FAM171A1: variants seen among roughly 807,000 people sequenced by gnomAD.
The protein encoded by FAM171A1 is protein FAM171A1.
FAM171A1 carries 23 observed loss-of-function variants against 74.9 expected under a neutral mutation model. The ratio of observed to expected loss-of-function variants is 0.31; its 90% CI spans 0.22 to 0.44. The LOEUF is 0.44. FAM171A1 is among the 20% of genes least tolerant of loss of function. The pLI, the probability that FAM171A1 is intolerant of heterozygous loss-of-function variation, is 1.00. For missense variants in FAM171A1, 1,162 were observed against 1,159.2 expected (o/e 1.00, Z -0.03); for synonymous variants, 527 against 505.7 (o/e 1.04, Z -0.57).
intron 1 of FAM171A1, among the ~76,000 whole-genome samples, chr10:15,297,619 T>C (rs1451691565): frequency 5.9e-5 from 9 of 152,220 alleles, no homozygotes; most frequent in Admixed American, 4.6e-4. Context: ...CAAATATTCA[T>C]AGAAGTTCAG....
chr10:15,307,002 G>A (rs1053847545), intron 1 of FAM171A1, among the ~76,000 whole-genome samples: 11 of 152,202 alleles, frequency 7.2e-5, no homozygotes, highest in Non-Finnish European at 1.2e-4. Flanking sequence ...CAGGGCTTTC[G>A]GTCACTGCAG....
chr10:15,250,589 T>C (rs539825494), intron 4 of FAM171A1, among the ~76,000 whole-genome samples: 2 of 152,192 alleles, frequency 1.3e-5, no homozygotes, highest in Admixed American at 6.5e-5. Flanking sequence ...GAAACCCCGT[T>C]TGCACAAAAA....
intron 5 of FAM171A1, among the ~76,000 whole-genome samples, chr10:15,240,622 C>A (rs531706145): frequency 6.6e-6 from 1 of 152,112 alleles, no homozygotes; most frequent in Non-Finnish European, 1.5e-5. Flanking sequence ...CCCACTCTCA[C>A]GGGGTTTGAA....
chr10:15,316,644 C>T (rs1019465453), intron 1 of FAM171A1, among the ~76,000 whole-genome samples: 56 of 152,290 alleles, frequency 3.7e-4, no homozygotes, highest in African/African-American at 1.3e-3. Flanking sequence ...TCCCAGAAAG[C>T]AGCTGTTTCT....
chr10:15,255,713 G>A (rs1367169223), intron 3 of FAM171A1, among the ~76,000 whole-genome samples: 1 of 150,618 alleles, frequency 6.6e-6, no homozygotes, highest in East Asian at 1.9e-4. Flanking sequence ...GCAGCGGTGT[G>A]ATCTCAACTC....
intron 1 of FAM171A1, among the ~76,000 whole-genome samples, chr10:15,335,818 T>C (rs1257868798): frequency 6.6e-6 from 1 of 152,236 alleles, no homozygotes; most frequent in Non-Finnish European, 1.5e-5. Flanking sequence ...TGTATACTGA[T>C]GCCCTGCTTT....
chr10:15,262,872 C>A (rs145464393), intron 3 of FAM171A1, among the ~76,000 whole-genome samples: 1 of 152,162 alleles, frequency 6.6e-6, no homozygotes, highest in South Asian at 2.1e-4. Flanking sequence ...GAGGACACTG[C>A]CATGTCCTCT....
intron 1 of FAM171A1, among the ~76,000 whole-genome samples, chr10:15,344,633 T>C (rs1233669583): frequency 6.6e-6 from 1 of 152,250 alleles, no homozygotes; most frequent in Non-Finnish European, 1.5e-5. Flanking sequence ...AAATTTGGAA[T>C]ATCTTTATAT....
At chr10:15,319,177 G>C (rs916920083) in intron 1 of FAM171A1, among the ~76,000 whole-genome samples, 55 of 152,298 alleles carry the variant, frequency 3.6e-4, no homozygotes, top group African/African-American at 1.3e-3. Flanking sequence ...TGCCTGTGGA[G>C]GTGACGGTCT....
intron 3 of FAM171A1, among the ~76,000 whole-genome samples, chr10:15,258,508 A>AT (rs769613282): frequency 6.6e-6 from 1 of 151,878 alleles, no homozygotes; most frequent in African/African-American, 2.4e-5. Context: ...AAAAATACTC[A>AT]TTTTTTCCCC....
At chr10:15,264,500 A>G (rs1288866566) in intron 3 of FAM171A1, among the ~76,000 whole-genome samples, 4 of 152,190 alleles carry the variant, frequency 2.6e-5, no homozygotes, top group Non-Finnish European at 2.9e-5. Flanking sequence ...GTATTGTATT[A>G]GTTTTGTAGA....
intron 5 of FAM171A1, 142 bp downstream of exon 5, chr10:15,248,497 C>T (rs756822049): frequency 3.9e-5 from 32 of 810,138 alleles, no homozygotes; most frequent in Non-Finnish European, 5.2e-5. Flanking sequence ...GTGCCGTCCC[C>T]ATGAGAAACC....
chr10:15,279,694 C>T (rs776563816), intron 2 of FAM171A1, among the ~76,000 whole-genome samples: 5 of 151,890 alleles, frequency 3.3e-5, no homozygotes, highest in Middle Eastern at 3.2e-3. Context: ...CCAAGGCAGG[C>T]GGATCACAAG....
intron 1 of FAM171A1, among the ~76,000 whole-genome samples, chr10:15,300,777 A>C (rs1588541402): frequency 6.6e-6 from 1 of 152,082 alleles, no homozygotes; most frequent in African/African-American, 2.4e-5. Context: ...GCCCATAATA[A>C]TCTCATGGAG....
intron 7 of FAM171A1, among the ~76,000 whole-genome samples, chr10:15,215,085 G>A (rs952231654): frequency 4.6e-5 from 7 of 152,002 alleles, no homozygotes; most frequent in Admixed American, 2.0e-4. Flanking sequence ...TAGGATAATC[G>A]AGAGATTTCA....
chr10:15,250,201 A>G (rs1834489819), intron 4 of FAM171A1, among the ~76,000 whole-genome samples: 1 of 152,210 alleles, frequency 6.6e-6, no homozygotes, highest in African/African-American at 2.4e-5. Context: ...AATGAAGGCA[A>G]AGGTGTGGGA....
intron 2 of FAM171A1, 87 bp from the exon 3 acceptor site, chr10:15,276,034 G>T: frequency 1.2e-6 from 1 of 859,538 alleles, no homozygotes; most frequent in Non-Finnish European, 1.8e-6. Flanking sequence ...TGCAGTTTTT[G>T]TATTTTCTGA....
chr10:15,320,744 G>C (rs752193792), intron 1 of FAM171A1, among the ~76,000 whole-genome samples: 9 of 152,182 alleles, frequency 5.9e-5, no homozygotes, highest in Non-Finnish European at 1.0e-4. Context: ...TGTTGGCCAT[G>C]TGTATGTCTT....
intron 1 of FAM171A1, among the ~76,000 whole-genome samples, chr10:15,300,357 T>C (rs920182725): frequency 3.3e-5 from 5 of 152,206 alleles, no homozygotes; most frequent in African/African-American, 1.2e-4. Flanking sequence ...TCACGTGGTC[T>C]TGGCCAAGTT....
Sources: allele counts gnomAD v4.1 joint callset (sites outside exome capture counted in the v4.1 genomes callset), GRCh38; gene constraint gnomAD v4.1.1; transcripts MANE v1.5; gene names NCBI Gene and HGNC (gene_info 2026-07-23, HGNC 2026-07-21).